DPP10: variants seen among roughly 807,000 people sequenced by gnomAD.
DPP10 encodes the protein inactive dipeptidyl peptidase 10.
DPP10 carries 33 observed loss-of-function variants against 120.9 expected under a neutral mutation model. The ratio of observed to expected loss-of-function variants is 0.27; its 90% CI spans 0.21 to 0.37. The LOEUF is 0.37. Ranked by LOEUF, DPP10 falls within the 10% of genes least tolerant of loss-of-function variation. The probability of loss-of-function intolerance (pLI) is 1.00; values close to 1 mark genes in which losing one functional copy is unlikely to be tolerated. For synonymous variants in DPP10, 337 were observed against 326.1 expected, an observed-to-expected ratio of 1.03 and a Z score of -0.36; for missense variants, 816 against 942.8, an observed-to-expected ratio of 0.87 and a Z score of 1.76.
chr2:114,994,558 C>A (rs1700957007), intron 1 of DPP10, among the ~76,000 whole-genome samples: 1 of 152,192 alleles, frequency 6.6e-6, no homozygotes, highest in African/African-American at 2.4e-5. Flanking sequence ...TGACTGCAGG[C>A]CCTCCAGGAT....
intron 1 of DPP10, among the ~76,000 whole-genome samples, chr2:114,523,120 A>G (rs549510963): frequency 6.6e-6 from 1 of 152,316 alleles, no homozygotes; most frequent in East Asian, 1.9e-4. Context: ...GGATGTGGAT[A>G]AACAGGATGG....
At chr2:115,413,950 A>G (rs1174318700) in intron 3 of DPP10, among the ~76,000 whole-genome samples, 2 of 152,050 alleles carry the variant, frequency 1.3e-5, no homozygotes, top group Admixed American at 1.3e-4. Flanking sequence ...GACATAACTG[A>G]GATCATTGAC....
chr2:115,600,365 T>G (rs1311301059), intron 5 of DPP10, among the ~76,000 whole-genome samples: 1 of 152,214 alleles, frequency 6.6e-6, no homozygotes, highest in Non-Finnish European at 1.5e-5. Context: ...GATGATAATG[T>G]AATAACTTTC....
chr2:115,012,214 T>A (rs1451914384), intron 1 of DPP10, among the ~76,000 whole-genome samples: 1 of 152,118 alleles, frequency 6.6e-6, no homozygotes, highest in African/African-American at 2.4e-5. Flanking sequence ...CCCTGGTAGC[T>A]GAAGACAAAG....
At chr2:115,781,769 A>G (rs2149869499) in intron 16 of DPP10, among the ~76,000 whole-genome samples, 1 of 152,122 alleles carries the variant, frequency 6.6e-6, no homozygotes, top group Admixed American at 6.6e-5. Flanking sequence ...GGAAAAAAAA[A>G]TTAGTTTTAG....
chr2:115,128,150 C>T (rs2050170165), intron 1 of DPP10, among the ~76,000 whole-genome samples: 1 of 152,118 alleles, frequency 6.6e-6, no homozygotes, highest in South Asian at 2.1e-4. Flanking sequence ...AATCAGCCTT[C>T]CCAAATTGAT....
intron 7 of DPP10, among the ~76,000 whole-genome samples, chr2:115,723,622 G>GTTTT: frequency 7.0e-6 from 1 of 142,950 alleles, no homozygotes; most frequent in Non-Finnish European, 1.5e-5. Flanking sequence ...GTTGTTTTTT[G>GTTTT]TTTTTTTTTT....
chr2:115,256,313 T>C (rs953884807), intron 1 of DPP10, among the ~76,000 whole-genome samples: 1 of 152,224 alleles, frequency 6.6e-6, no homozygotes, highest in East Asian at 1.9e-4. Flanking sequence ...ACCACTCCCA[T>C]GATTCAATTA....
intron 1 of DPP10, among the ~76,000 whole-genome samples, chr2:115,219,107 A>G (rs1212292086): frequency 5.9e-5 from 9 of 152,132 alleles, no homozygotes; most frequent in Admixed American, 5.9e-4. Context: ...AGGCACAGAA[A>G]GTTCAGAGTT....
intron 2 of DPP10, among the ~76,000 whole-genome samples, chr2:115,325,385 A>G (rs2062300649): frequency 6.6e-6 from 1 of 152,180 alleles, no homozygotes; most frequent in South Asian, 2.1e-4. Context: ...AAGGTTATTA[A>G]AGCTGATGAT....
At chr2:114,925,709 A>G (rs909271494) in intron 1 of DPP10, among the ~76,000 whole-genome samples, 1 of 152,178 alleles carries the variant, frequency 6.6e-6, no homozygotes, top group African/African-American at 2.4e-5. Flanking sequence ...CCCAGAGACT[A>G]TCTCCCCGAG....
intron 1 of DPP10, among the ~76,000 whole-genome samples, chr2:114,839,187 A>G (rs879862883): frequency 6.6e-6 from 1 of 152,324 alleles, no homozygotes; most frequent in Middle Eastern, 3.4e-3. Context: ...CTGTGTTGCC[A>G]CATGGGAATA....
At chr2:115,447,885 C>A (rs1357799873) in intron 3 of DPP10, among the ~76,000 whole-genome samples, 2 of 152,120 alleles carry the variant, frequency 1.3e-5, no homozygotes, top group African/African-American at 2.4e-5. Flanking sequence ...ACAACAGATT[C>A]TTGGGTAGGA....
chr2:115,031,212 G>C (rs865794128), intron 1 of DPP10, among the ~76,000 whole-genome samples: 1 of 152,004 alleles, frequency 6.6e-6, no homozygotes, highest in Non-Finnish European at 1.5e-5. Context: ...GTCATTCAGG[G>C]AGAATGATTT....
At chr2:114,919,436 T>C (rs1695037535) in intron 1 of DPP10, among the ~76,000 whole-genome samples, 1 of 152,242 alleles carries the variant, frequency 6.6e-6, no homozygotes, top group East Asian at 1.9e-4. Context: ...CACAAACTAG[T>C]CTTTTGACAT....
intron 5 of DPP10, among the ~76,000 whole-genome samples, chr2:115,543,850 A>T (rs746066825): frequency 5.9e-5 from 9 of 152,042 alleles, no homozygotes; most frequent in Non-Finnish European, 1.3e-4. Context: ...GAACTATGAG[A>T]TGAAATCTAA....
intron 1 of DPP10, among the ~76,000 whole-genome samples, chr2:114,959,119 C>T (rs537324011): frequency 6.6e-6 from 1 of 152,188 alleles, no homozygotes; most frequent in Non-Finnish European, 1.5e-5. Context: ...AGTACAGTGG[C>T]CCGATCTCAG....
At chr2:115,081,405 T>C (rs1281479399) in intron 1 of DPP10, among the ~76,000 whole-genome samples, 1 of 152,234 alleles carries the variant, frequency 6.6e-6, no homozygotes, top group Non-Finnish European at 1.5e-5. Flanking sequence ...AGTTTGTTGT[T>C]AAGTCTGCTC....
At chr2:114,931,425 T>C (rs939234961) in intron 1 of DPP10, among the ~76,000 whole-genome samples, 8 of 152,152 alleles carry the variant, frequency 5.3e-5, no homozygotes, top group African/African-American at 1.7e-4. Context: ...AGTGAGGCCA[T>C]GCCTTGCTCT....
Sources: gnomAD v4.1 joint callset for allele counts (sites outside exome capture counted in the v4.1 genomes callset) on GRCh38, gnomAD v4.1.1 for gene constraint, MANE v1.5 for transcripts, NCBI Gene and HGNC (gene_info 2026-07-23, HGNC 2026-07-21) for gene names.